ASPSCR1: variants seen among roughly 807,000 people sequenced by gnomAD.
ASPSCR1 encodes the protein tether containing UBX domain for GLUT4.
A neutral mutation model predicts 68.9 loss-of-function variants in ASPSCR1; 55 were observed. That is an observed-to-expected ratio of 0.80 (90% CI 0.64 to 1.00). ASPSCR1 has a LOEUF of 1.00. Among genes scored for constraint, ASPSCR1 ranks in the 50% least tolerant of loss-of-function variants. The probability of loss-of-function intolerance (pLI) is 0.00; values close to 1 mark genes in which losing one functional copy is unlikely to be tolerated. For synonymous variants in ASPSCR1, 352 were observed against 332.6 expected (o/e 1.06, Z -0.63); for missense variants, 765 against 762.2 (o/e 1.00, Z -0.04).
In ASPSCR1 at chr17:82,011,615, T is replaced by C; in HGVS notation, c.1300+10T>C. On this transcript the variant is annotated intron_variant, in intron 11 of 15. Coordinates refer to ENST00000306739, the MANE Select transcript of ASPSCR1 (RefSeq NM_024083.4). ...CTGTCATTTTACCTGTGTACGTTTTTTCTCCTGAGCCCACTCCTGCCTCCA... is the reference window on the plus strand; with the variant it reads ...CTGTCATTTTACCTGTGTACGTTTTCTCTCCTGAGCCCACTCCTGCCTCCA... 1 of 1,602,870 alleles carries C rather than the reference T, an allele frequency of 6.2e-7. No homozygotes were observed. Among genetic ancestry groups the C allele is most frequent in the Non-Finnish European group, 8.5e-7 (1 of 1,175,956 alleles).
rs540893799 is a variant in ASPSCR1 at position 81,988,565 on chromosome 17, C to G, written c.374+2958C>G. On this transcript the variant is annotated intron_variant, in intron 4 of 15. Coordinates refer to ENST00000306739, the MANE Select transcript of ASPSCR1 (RefSeq NM_024083.4). ...AAGCCCGGAGCCCCCAGCCTGCGGC[C>G]CTGGTCTGTGTGGCAGTGTGGGTCT... Among the ~76,000 whole-genome samples the G allele has an allele frequency of 2.0e-5, 3 of 152,294 alleles. No individual in the cohort carries two copies. The South Asian group carries it at 6.2e-4, about 32-fold the overall frequency.
At chr17:82,009,453 C>T in intron 8 of ASPSCR1, 33 bp from the exon 9 acceptor site, 1 of 1,547,626 alleles carries the variant, frequency 6.5e-7, no homozygotes. Context: ...CCATTCTGAC[C>T]AGAAGCCCTG....
At position 81,986,671 on chromosome 17, in the gene ASPSCR1, C is replaced by T. The variant is rs1463896927; in HGVS notation, c.374+1064C>T. The stretch of plus-strand genomic sequence containing the variant: ...GGCCTCAGTTTCCTCACCTGTGCCC[C>T]GGCTGGTGTGTGGATGGGGTGAGTT... On this transcript the variant is annotated intron_variant, in intron 4 of 15. Transcript: ENST00000306739. This position sits in a 1 kb window ranked among gnomAD's most constrained non-coding sequence, Gnocchi z 5.2. 2.0e-5 allele frequency among the ~76,000 whole-genome samples: 3 copies of T among 152,158 alleles called. No homozygotes were observed. Among genetic ancestry groups the T allele is most frequent in the African/African-American group, 4.8e-5 (2 of 41,424 alleles).
chr17:82,010,693 G>T (rs2144092447), intron 9 of ASPSCR1, 109 bp from the exon 10 acceptor site: 1 of 1,202,338 alleles, frequency 8.3e-7, no homozygotes, highest in Non-Finnish European at 1.2e-6. Flanking sequence ...GCTTCTGCCT[G>T]CCTCAGCCCT....
Position 81,996,457 on chromosome 17 carries a change from C to T in ASPSCR1, c.544C>T (p.Pro182Ser). The part of the protein sequence containing the change: ...MKCYDPVGKT[P>S]GSLGSSASAG... ...GTGCTACGACCCCGTGGGCAAGACC[C>T]CAGGAAGCCTGGGCTCGTCAGCGTC... The change falls in exon 7 of 16, where the codon CCA becomes TCA. Residue 182 changes from proline (P) to serine (S), a missense_variant. Pro to Ser is a moderately conservative substitution (Grantham distance 74). Transcript: ENST00000306739. 1 of 1,606,520 alleles carries T rather than the reference C, an allele frequency of 6.2e-7. No individual in the cohort carries two copies. Among genetic ancestry groups the T allele is most frequent in the Non-Finnish European group, 8.5e-7 (1 of 1,175,578 alleles).
At chr17:82,017,200 G>A (rs1045625603) in intron 15 of ASPSCR1, 87 bp downstream of exon 15, 7 of 1,583,710 alleles carry the variant, frequency 4.4e-6, no homozygotes, top group East Asian at 4.5e-5. Context: ...GGGCTGGGGG[G>A]CTAGGTGCTG....
intron 4 of ASPSCR1, among the ~76,000 whole-genome samples, chr17:81,989,329 C>T (rs1002108244): frequency 5.3e-5 from 8 of 152,190 alleles, no homozygotes; most frequent in African/African-American, 1.9e-4. Flanking sequence ...TTGCCAGCCC[C>T]ACGGTGAGGG....
Position 81,987,803 on chromosome 17 carries a change from C to T in ASPSCR1, c.374+2196C>T, listed in dbSNP as rs967884635. ...AGGAGGTTGCAGTGAGCCGAGATCG[C>T]ACCATTGCACTCTAGCCTGGGTGAC... On this transcript the variant is annotated intron_variant, in intron 4 of 15. Transcript: ENST00000306739. The surrounding 1 kb of genome is among the most constrained non-coding windows in gnomAD (Gnocchi z 5.6). Among the ~76,000 whole-genome samples the T allele has an allele frequency of 1.3e-5, 2 of 151,924 alleles. No individual in the cohort carries two copies. The highest frequency in any genetic ancestry group is 1.9e-4 in the East Asian group (1 of 5,176).
In ASPSCR1 at chr17:82,010,350, A is replaced by T. The variant is rs537546639; in HGVS notation, c.1171-452A>T. ...CGAGACCATCCTGGCTGACACGGTG[A>T]AACCCCATCTCTACTAAAAATACAA... On this transcript the variant is annotated intron_variant, in intron 9 of 15. Coordinates refer to ENST00000306739, the MANE Select transcript of ASPSCR1 (RefSeq NM_024083.4). 6.6e-5 allele frequency among the ~76,000 whole-genome samples: 10 copies of T among 151,520 alleles called. No homozygotes were observed. The South Asian group carries it at 2.1e-3, about 32-fold the overall frequency.
At chr17:82,014,899 G>C (rs2043069663) in intron 12 of ASPSCR1, 4 of 782,962 alleles carry the variant, frequency 5.1e-6, no homozygotes, top group Non-Finnish European at 7.9e-6. Context: ...GCTGTGTCAG[G>C]GCAGGGCGGG....
intron 4 of ASPSCR1, among the ~76,000 whole-genome samples, chr17:81,988,394 G>A (rs1428548456): frequency 6.6e-6 from 1 of 151,388 alleles, no homozygotes; most frequent in Non-Finnish European, 1.5e-5. Flanking sequence ...GGCGGAGGTT[G>A]TAGTGAGCTG....
intron 4 of ASPSCR1, among the ~76,000 whole-genome samples, chr17:81,989,646 G>C (rs2042098045): frequency 6.6e-6 from 1 of 152,176 alleles, no homozygotes; most frequent in African/African-American, 2.4e-5. Context: ...TGTATTTGGG[G>C]ACCCCTGGGT....
chr17:82,015,463 C>G, intron 12 of ASPSCR1: 2 of 1,376,304 alleles, frequency 1.5e-6, no homozygotes, highest in Admixed American at 4.8e-5. Flanking sequence ...TTCCCGAGTC[C>G]TGCCCGCCCC....
rs1343162153 is a variant in ASPSCR1, at chr17:81,985,021, CCACACCAACATG to C, written c.274-480_274-469del. Reference sequence around the variant, plus strand: ...CCCCCCACACACCTGCACACACCGCCCACACCAACATGCACACACCTCCCCCCCACACACACC... The same window carrying C: ...CCCCCCACACACCTGCACACACCGCCCACACACCTCCCCCCCACACACACC... On this transcript the variant is annotated intron_variant, in intron 3 of 15. Transcript: ENST00000306739. Among the ~76,000 whole-genome samples, 3 of 132,114 alleles carry C rather than the reference CCACACCAACATG, an allele frequency of 2.3e-5. No homozygotes were observed. In the East Asian group the frequency reaches 7.0e-4, roughly 31 times the overall value. 86.7% of individuals were successfully genotyped at this position (132,114 alleles called of 152,430 possible).
At chr17:82,013,017 T>C (rs1272444452) in intron 12 of ASPSCR1, 10 of 152,208 alleles carry the variant, frequency 6.6e-5, no homozygotes, top group Admixed American at 3.3e-4. Flanking sequence ...TTTTTTTAAG[T>C]GGCCACAGGC....
intron 7 of ASPSCR1, among the ~76,000 whole-genome samples, chr17:82,002,978 G>A (rs561377167): frequency 1.3e-5 from 2 of 152,198 alleles, no homozygotes; most frequent in East Asian, 1.9e-4. Context: ...GGGTTCAAGC[G>A]ATTTTCGTGT....
intron 13 of ASPSCR1, 129 bp from the exon 14 acceptor site, chr17:82,016,671 G>C: frequency 6.9e-7 from 1 of 1,442,190 alleles, no homozygotes; most frequent in East Asian, 2.5e-5. Context: ...CCACCTCCCC[G>C]AGAGAGGACT....
In ASPSCR1 at chr17:81,977,894, C is replaced by A; in HGVS notation, c.102+146C>A. 1.9e-6 allele frequency: 1 copy of A among 515,816 alleles called. No homozygotes were observed. Among genetic ancestry groups the A allele is most frequent in the South Asian group, 9.8e-5 (1 of 10,188 alleles). The allele number at this position is 515,816 out of a possible 1,614,324, so 32.0% of individuals were successfully genotyped here. ...TCCTGAGCGGCGGCCCCGCCCCCTGCTCGCCGTCACCTGCGCTTCCGCTGG... is the reference window on the plus strand; with the variant it reads ...TCCTGAGCGGCGGCCCCGCCCCCTGATCGCCGTCACCTGCGCTTCCGCTGG... On this transcript the variant is annotated intron_variant, in intron 1 of 15. Transcript: ENST00000306739. This position sits in a 1 kb window ranked among gnomAD's most constrained non-coding sequence, Gnocchi z 5.0.
intron 7 of ASPSCR1, among the ~76,000 whole-genome samples, chr17:82,001,106 C>G (rs553517507): frequency 7.0e-4 from 106 of 152,254 alleles, no homozygotes; most frequent in African/African-American, 2.5e-3. Context: ...GTGTGGGACT[C>G]GTGGGGCGGG....
Sources: gnomAD v4.1 joint callset for allele counts (sites outside exome capture counted in the v4.1 genomes callset) on GRCh38, gnomAD v4.1.1 for gene constraint, Gnocchi (gnomAD v3.1) non-coding constraint, MANE v1.5 for transcripts, NCBI Gene and HGNC (gene_info 2026-07-23, HGNC 2026-07-21) for gene names.